The following CAMK2D variants were observed in gnomAD, a reference collection of about 807,000 sequenced individuals.
CAMK2D encodes calcium/calmodulin dependent protein kinase II delta.
Under a neutral mutation model 84.0 loss-of-function variants are expected in CAMK2D, and 37 were observed. That is an observed-to-expected ratio of 0.44 (90% confidence interval 0.34 to 0.58). The LOEUF is 0.58. Among genes scored for constraint, CAMK2D ranks in the 20% least tolerant of loss-of-function variants. The probability of loss-of-function intolerance (pLI) is 0.02; values close to 1 mark genes in which losing one functional copy is unlikely to be tolerated. For missense variants in CAMK2D, 448 were observed against 652.5 expected (o/e 0.69, Z 3.41); for synonymous variants, 202 against 212.5 (o/e 0.95, Z 0.43).
At position 113,761,312 on chromosome 4, in the gene CAMK2D, T is replaced by C; in HGVS notation, c.-244A>G. On this transcript the variant is annotated 5_prime_UTR_variant, in exon 1 of 21. Transcript: ENST00000511664. ...ATCCTCCTCCTCCTGCGGGCCTCGCTTCCTTCTTCTCCACTGGACGCTCCA... is the reference window on the plus strand; with the variant it reads ...ATCCTCCTCCTCCTGCGGGCCTCGCCTCCTTCTTCTCCACTGGACGCTCCA... 7.1e-6 allele frequency: 10 copies of C among 1,413,212 alleles called. No individual in the cohort carries two copies. The highest frequency in any genetic ancestry group is 9.2e-6 in the Non-Finnish European group (10 of 1,086,164). The allele number at this position is 1,413,212 out of a possible 1,614,324, so 87.5% of individuals were successfully genotyped here. A position where few individuals can be genotyped will look rare whatever the true frequency, so the allele number is the denominator to read the frequency against.
At chr4:113,679,602 T>C (rs2154333655) in intron 2 of CAMK2D, 1 of 177,232 alleles carries the variant, frequency 5.6e-6, no homozygotes, top group Non-Finnish European at 1.1e-5. Flanking sequence ...AAACGCTGAA[T>C]TGAGTTTTGA....
rs903281329 is a variant in CAMK2D, at chr4:113,454,320, T to A, written c.*225A>T. 1 of 400,370 alleles carries A rather than the reference T, an allele frequency of 2.5e-6. No individual in the cohort carries two copies. The highest frequency in any genetic ancestry group is 4.6e-6 in the Non-Finnish European group (1 of 218,748). The allele number at this position is 400,370 out of a possible 1,614,324, so 24.8% of individuals were successfully genotyped here. On this transcript the variant is annotated 3_prime_UTR_variant, in exon 21 of 21. Coordinates refer to ENST00000511664, the MANE Select transcript of CAMK2D (RefSeq NM_001321571.2). ...CAGTAATTTAAGTTTGTGTGGAACA[T>A]CCCCGTAGTTGAAGTGTAAACAATG...
At chr4:113,601,683 C>CTTTTTTTTTTTTTTTTTT (rs755850795) in intron 4 of CAMK2D, among the ~76,000 whole-genome samples, 16 of 45,820 alleles carry the variant, frequency 3.5e-4, no homozygotes, top group South Asian at 1.1e-3. Flanking sequence ...ACTGTTTATT[C>CTTTTTTTTTTTTTTTTTT]TTTTTTTTTT....
intron 2 of CAMK2D, among the ~76,000 whole-genome samples, chr4:113,725,126 T>C (rs1019509812): frequency 5.9e-5 from 9 of 152,044 alleles, no homozygotes; most frequent in Non-Finnish European, 1.0e-4. Context: ...CAACTAGAAA[T>C]GCACTACATC....
chr4:113,503,964 G>A (rs372198813), intron 14 of CAMK2D, among the ~76,000 whole-genome samples: 8 of 152,216 alleles, frequency 5.3e-5, no homozygotes, highest in South Asian at 4.1e-4. Flanking sequence ...GTAATATTGA[G>A]AGACATATCT....
intron 2 of CAMK2D, among the ~76,000 whole-genome samples, chr4:113,679,679 A>T (rs913305329): frequency 1.3e-5 from 2 of 152,112 alleles, no homozygotes; most frequent in Non-Finnish European, 2.9e-5. Context: ...TGAATTAAAG[A>T]ACAAATAAAG....
At chr4:113,717,931 C>T (rs1294691932) in intron 2 of CAMK2D, among the ~76,000 whole-genome samples, 4 of 151,922 alleles carry the variant, frequency 2.6e-5, no homozygotes, top group Admixed American at 1.3e-4. Context: ...GGTCCATTAA[C>T]TTTTTTCACA....
intron 3 of CAMK2D, among the ~76,000 whole-genome samples, chr4:113,633,322 C>T (rs972858134): frequency 1.3e-5 from 2 of 152,160 alleles, no homozygotes; most frequent in African/African-American, 4.8e-5. Flanking sequence ...CATGGAGTTA[C>T]CACAATTCCT....
At chr4:113,640,281 T>A (rs1210899473) in intron 3 of CAMK2D, among the ~76,000 whole-genome samples, 1 of 152,050 alleles carries the variant, frequency 6.6e-6, no homozygotes, top group East Asian at 1.9e-4. Flanking sequence ...TAAAATAGAT[T>A]TGGGAGTTAC....
At position 113,710,122 on chromosome 4, in the gene CAMK2D, T is replaced by C. The variant is rs562258288; in HGVS notation, c.161-48350A>G. Among the ~76,000 whole-genome samples the C allele has an allele frequency of 2.0e-5, 3 of 152,136 alleles. 1 individual carries two copies. Among genetic ancestry groups the C allele is most frequent in the African/African-American group, 7.2e-5 (3 of 41,510 alleles). On this transcript the variant is annotated intron_variant, in intron 2 of 20. Transcript: ENST00000511664. The stretch of plus-strand genomic sequence containing the variant: ...TTCAGGATATTTAAAAACTAGGGTA[T>C]TTTGACAAGACTTACATATTTGTGA...
chr4:113,601,270 G>C (rs2098950809), intron 4 of CAMK2D, among the ~76,000 whole-genome samples: 2 of 152,108 alleles, frequency 1.3e-5, no homozygotes, highest in South Asian at 4.2e-4. Flanking sequence ...CTTCCACTCA[G>C]AATAGAATCA....
At chr4:113,730,074 G>C (rs1202466762) in intron 2 of CAMK2D, among the ~76,000 whole-genome samples, 1 of 152,154 alleles carries the variant, frequency 6.6e-6, no homozygotes, top group Admixed American at 6.6e-5. Context: ...TCCACCACTA[G>C]ATTATAAGCT....
intron 4 of CAMK2D, among the ~76,000 whole-genome samples, chr4:113,606,622 C>T (rs1033639139): frequency 2.0e-5 from 3 of 151,956 alleles, no homozygotes; most frequent in South Asian, 2.1e-4. Flanking sequence ...AACAGAGCCT[C>T]AGGGACCTCT....
At chr4:113,650,996 C>A (rs2099170405) in intron 3 of CAMK2D, among the ~76,000 whole-genome samples, 2 of 152,156 alleles carry the variant, frequency 1.3e-5, no homozygotes, top group Admixed American at 1.3e-4. Context: ...GGTTAAAACA[C>A]ACAATAGCCC....
At chr4:113,573,876 T>C (rs111545585) in intron 4 of CAMK2D, among the ~76,000 whole-genome samples, 142 of 152,184 alleles carry the variant, frequency 9.3e-4, no homozygotes, top group Non-Finnish European at 1.5e-3. Flanking sequence ...TACTATCTAC[T>C]TCTTCACTGG....
At chr4:113,579,794 G>T (rs2098799808) in intron 4 of CAMK2D, among the ~76,000 whole-genome samples, 1 of 152,188 alleles carries the variant, frequency 6.6e-6, no homozygotes, top group South Asian at 2.1e-4. Flanking sequence ...CAGCATGCTT[G>T]AAAGAGCCTG....
At chr4:113,552,717 T>C (rs1016284228) in intron 4 of CAMK2D, among the ~76,000 whole-genome samples, 3 of 152,228 alleles carry the variant, frequency 2.0e-5, no homozygotes, top group Non-Finnish European at 4.4e-5. Context: ...TATGCGTACA[T>C]ACATGCGTGC....
chr4:113,720,411 G>A (rs1171235642), intron 2 of CAMK2D, among the ~76,000 whole-genome samples: 8 of 148,654 alleles, frequency 5.4e-5, no homozygotes, highest in South Asian at 2.1e-4. Flanking sequence ...TTAAAAAAAC[G>A]CCTTCTAATA....
intron 16 of CAMK2D, among the ~76,000 whole-genome samples, chr4:113,487,925 A>G (rs976622217): frequency 2.0e-5 from 3 of 152,060 alleles, no homozygotes; most frequent in African/African-American, 7.2e-5. Flanking sequence ...AAAGAGCTTA[A>G]AAGTCTGTAT....
Sources: allele counts gnomAD v4.1 joint callset (sites outside exome capture counted in the v4.1 genomes callset), GRCh38; gene constraint gnomAD v4.1.1; transcripts MANE v1.5; gene names NCBI Gene and HGNC (gene_info 2026-07-23, HGNC 2026-07-21).